ZNF385D: variants seen among roughly 807,000 people sequenced by gnomAD.
The protein encoded by ZNF385D is zinc finger protein 659.
A neutral mutation model predicts 35.8 loss-of-function variants in ZNF385D; 15 were observed. The ratio of observed to expected loss-of-function variants is 0.42; its 90% CI spans 0.28 to 0.64. The LOEUF is 0.64. ZNF385D is among the 30% of genes least tolerant of loss of function. ZNF385D has a pLI of 0.23. For synonymous variants in ZNF385D, 212 were observed against 186.8 expected (o/e 1.13, Z -1.10); for missense variants, 474 against 494.6 (o/e 0.96, Z 0.39).
chr3:22,280,176 C>A (rs141247486), intron 2 of ZNF385D, among the ~76,000 whole-genome samples: 6,184 of 151,962 alleles, frequency 0.041, 147 homozygotes, highest in African/African-American at 0.063. Flanking sequence ...GGATATTAGT[C>A]CTTTGTCAGA....
intron 2 of ZNF385D, among the ~76,000 whole-genome samples, chr3:21,567,918 C>A (rs544661178): frequency 9.0e-4 from 136 of 151,890 alleles, no homozygotes; most frequent in Non-Finnish European, 1.8e-3. Flanking sequence ...CTAGTCACTT[C>A]GTGCAAATGT....
intron 2 of ZNF385D, among the ~76,000 whole-genome samples, chr3:22,235,671 T>C (rs1305946525): frequency 6.6e-6 from 1 of 152,106 alleles, no homozygotes; most frequent in East Asian, 1.9e-4. Flanking sequence ...TATGCTCAAG[T>C]ATATTTGGAG....
rs116596112 is a variant in ZNF385D, at chr3:21,470,683, A to G, written c.440-33480T>C. On this transcript the variant is annotated intron_variant, in intron 4 of 7. Coordinates refer to ENST00000281523, the MANE Select transcript of ZNF385D (RefSeq NM_024697.3). ...TCTTTATTCTCTTATCACAGATCCT[A>G]ATTGAGCCAGATCCACAGGAAAACT... is the stretch of plus-strand genomic sequence containing the variant. Among the ~76,000 whole-genome samples the G allele has an allele frequency of 9.5e-3, 1,442 of 152,166 alleles. 16 individuals are homozygous for G. The highest frequency in any genetic ancestry group is 0.014 in the Non-Finnish European group (982 of 67,992).
chr3:21,847,368 C>T (rs550903872), intron 3 of ZNF385D, among the ~76,000 whole-genome samples: 8 of 151,490 alleles, frequency 5.3e-5, no homozygotes, highest in South Asian at 4.1e-4. Flanking sequence ...TCTACTATCA[C>T]GATATCAAAA....
chr3:22,271,240 T>A (rs1202126954), intron 2 of ZNF385D, among the ~76,000 whole-genome samples: 2 of 144,650 alleles, frequency 1.4e-5, no homozygotes, highest in Non-Finnish European at 3.1e-5. Flanking sequence ...CAGCTTTTCT[T>A]CATAGCAGAA....
At chr3:21,725,814 C>T (rs371942826) in intron 1 of ZNF385D, among the ~76,000 whole-genome samples, 58 of 152,230 alleles carry the variant, frequency 3.8e-4, no homozygotes, top group East Asian at 2.7e-3. Context: ...AGACAGAATC[C>T]TCCCTAACTC....
At chr3:21,696,796 T>A (rs1286551158) in intron 1 of ZNF385D, among the ~76,000 whole-genome samples, 1 of 152,196 alleles carries the variant, frequency 6.6e-6, no homozygotes, top group Non-Finnish European at 1.5e-5. Flanking sequence ...AACCTCCCCA[T>A]AAATCAGTAG....
At chr3:21,990,193 A>C (rs1387253947) in intron 3 of ZNF385D, among the ~76,000 whole-genome samples, 3 of 152,218 alleles carry the variant, frequency 2.0e-5, no homozygotes, top group African/African-American at 4.8e-5. Context: ...AAGAATCTCT[A>C]AGCTAAAATT....
chr3:22,138,114 G>A (rs996385226), intron 3 of ZNF385D, among the ~76,000 whole-genome samples: 122 of 152,110 alleles, frequency 8.0e-4, no homozygotes, highest in Non-Finnish European at 7.6e-4. Context: ...TACAAGGGAC[G>A]TGAAGGACAT....
At chr3:22,039,027 G>A (rs1050576648) in intron 3 of ZNF385D, among the ~76,000 whole-genome samples, 8 of 151,300 alleles carry the variant, frequency 5.3e-5, no homozygotes. Flanking sequence ...AATTTATGTA[G>A]TGATCTGAAG....
chr3:22,012,450 T>C (rs1696636623), intron 3 of ZNF385D, among the ~76,000 whole-genome samples: 1 of 152,148 alleles, frequency 6.6e-6, no homozygotes. Flanking sequence ...AAAACATTTC[T>C]CTCTCCCTCC....
intron 2 of ZNF385D, among the ~76,000 whole-genome samples, chr3:21,634,889 A>G (rs1280379683): frequency 6.6e-6 from 1 of 151,990 alleles, no homozygotes; most frequent in African/African-American, 2.4e-5. Context: ...TGTCACTTAG[A>G]AGAAATGTAA....
intron 2 of ZNF385D, among the ~76,000 whole-genome samples, chr3:21,632,642 A>G (rs532661260): frequency 8.5e-5 from 13 of 152,250 alleles, no homozygotes; most frequent in Non-Finnish European, 1.5e-4. Flanking sequence ...CACGGAGTGT[A>G]TTCTTTAATG....
intron 2 of ZNF385D, among the ~76,000 whole-genome samples, chr3:22,214,608 G>C (rs1461250787): frequency 6.6e-6 from 1 of 151,942 alleles, no homozygotes; most frequent in African/African-American, 2.4e-5. Context: ...CTCTAAAATG[G>C]CCGCTTCAGG....
At chr3:21,915,517 A>G (rs1368067270) in intron 3 of ZNF385D, among the ~76,000 whole-genome samples, 1 of 152,156 alleles carries the variant, frequency 6.6e-6, no homozygotes, top group Non-Finnish European at 1.5e-5. Flanking sequence ...AAGGTAAAAT[A>G]AGTAAATGTG....
chr3:21,485,271 A>G (rs1559337313), intron 4 of ZNF385D, among the ~76,000 whole-genome samples: 1 of 152,166 alleles, frequency 6.6e-6, no homozygotes, highest in Non-Finnish European at 1.5e-5. Flanking sequence ...AAAAATGCTT[A>G]TCCTGATCCA....
chr3:22,225,314 C>T (rs1698489210), intron 2 of ZNF385D, among the ~76,000 whole-genome samples: 1 of 152,120 alleles, frequency 6.6e-6, no homozygotes, highest in Admixed American at 6.6e-5. Context: ...AGCCTGAGGT[C>T]CATTTGTCAG....
intron 4 of ZNF385D, among the ~76,000 whole-genome samples, chr3:21,485,634 G>A (rs889965697): frequency 1.3e-5 from 2 of 151,810 alleles, no homozygotes; most frequent in African/African-American, 4.8e-5. Flanking sequence ...ACAGAGAAGT[G>A]GGATATTCCA....
At chr3:21,945,176 T>TATA (rs1553704385) in intron 3 of ZNF385D, among the ~76,000 whole-genome samples, 16,668 of 149,868 alleles carry the variant, frequency 0.11, 1,248 homozygotes, top group African/African-American at 0.23. Context: ...ATATATATAG[T>TATA]GAGAGAGAGA....
Sources: gnomAD v4.1 joint callset for allele counts (sites outside exome capture counted in the v4.1 genomes callset) on GRCh38, gnomAD v4.1.1 for gene constraint, MANE v1.5 for transcripts, NCBI Gene and HGNC (gene_info 2026-07-23, HGNC 2026-07-21) for gene names.